The following PTPN2 variants were observed in gnomAD, a reference collection of about 807,000 sequenced individuals.
The protein encoded by PTPN2 is protein tyrosine phosphatase non-receptor type 2.
In PTPN2, 19 loss-of-function variants were observed where a neutral mutation model predicts 57.3. The ratio of observed to expected loss-of-function variants is 0.33; its 90% CI spans 0.23 to 0.49. PTPN2 has a LOEUF of 0.49. Among genes scored for constraint, PTPN2 ranks in the 20% least tolerant of loss-of-function variants. The probability of loss-of-function intolerance (pLI) is 0.99; values close to 1 mark genes in which losing one functional copy is unlikely to be tolerated. For missense variants in PTPN2, 358 were observed against 501.1 expected (o/e 0.71, Z 2.73); for synonymous variants, 153 against 164.9 (o/e 0.93, Z 0.55).
In PTPN2 at chr18:12,814,278, G is replaced by T; in HGVS notation, c.783C>A (p.Thr261=). The part of the protein sequence containing the change: ...MRKYRMGLIQ[T]PDQLRFSYMA... ...TGTATGAGAATCTCAGTTGATCTGG[G>T]GTCTGAATAAGACCCATTCGGTATT... The change falls in exon 7 of 9, where the codon ACC becomes ACA. Residue 261 remains threonine, a synonymous_variant. Transcript: ENST00000309660. 1.2e-6 allele frequency: 2 copies of T among 1,606,790 alleles called. No individual in the cohort carries two copies. The highest frequency in any genetic ancestry group is 1.7e-5 in the Admixed American group (1 of 59,512).
At chr18:12,876,180 G>A (rs2044480428) in intron 1 of PTPN2, among the ~76,000 whole-genome samples, 1 of 151,492 alleles carries the variant, frequency 6.6e-6, no homozygotes, top group South Asian at 2.1e-4. Flanking sequence ...CTGGTTAAGG[G>A]CTGGGCATGG....
chr18:12,808,921 C>T (rs1276325868), intron 7 of PTPN2, among the ~76,000 whole-genome samples: 1 of 152,234 alleles, frequency 6.6e-6, no homozygotes, highest in Non-Finnish European at 1.5e-5. Context: ...AGGTATGTAA[C>T]ACTGGAGTAG....
chr18:12,838,395 G>GAA (rs1444198220), intron 2 of PTPN2, among the ~76,000 whole-genome samples: 1 of 152,192 alleles, frequency 6.6e-6, no homozygotes, highest in African/African-American at 2.4e-5. Context: ...TAAACCTAGA[G>GAA]AAAGACCTTC....
chr18:12,835,183 A>G lies in PTPN2; in HGVS notation c.261+1608T>C, dbSNP rs552087991. Among the ~76,000 whole-genome samples, 34 of 152,322 alleles carry G rather than the reference A, an allele frequency of 2.2e-4. No homozygotes were observed. The South Asian group carries it at 5.8e-3, about 26-fold the overall frequency. On this transcript the variant is annotated intron_variant, in intron 3 of 8. Transcript: ENST00000309660. ...AATAAAATTTTTAACTCTAAATAGT[A>G]GTTTAAAATACAAATGCACATAAAA...
intron 2 of PTPN2, among the ~76,000 whole-genome samples, chr18:12,837,914 C>A (rs985988037): frequency 2.0e-5 from 3 of 152,154 alleles, no homozygotes; most frequent in Non-Finnish European, 4.4e-5. Flanking sequence ...CATTTGCCAA[C>A]AGGAAAAACT....
In PTPN2 at chr18:12,801,926, A is replaced by T. The variant is rs770426029; in HGVS notation, c.1040+44T>A. ...TGGTCCCATAAAATTTATTTTTAAA[A>T]TAAAAAAGCCTCATCTTTCAGCCTG... On this transcript the variant is annotated intron_variant, in intron 8 of 8. Transcript: ENST00000309660. 6.7e-6 allele frequency: 10 copies of T among 1,500,752 alleles called. No homozygotes were observed. In the South Asian group the frequency reaches 1.3e-4, roughly 19 times the overall value. 93.0% of individuals were successfully genotyped at this position (1,500,752 alleles called of 1,614,324 possible).
intron 5 of PTPN2, 53 bp from the exon 6 acceptor site, chr18:12,817,418 A>C: frequency 7.5e-7 from 1 of 1,337,668 alleles, no homozygotes; most frequent in Admixed American, 1.8e-5. Context: ...TCTTTTAAAA[A>C]ACTACTTCAG....
chr18:12,806,742 T>G (rs961151319), intron 7 of PTPN2, among the ~76,000 whole-genome samples: 12 of 152,020 alleles, frequency 7.9e-5, no homozygotes, highest in African/African-American at 2.9e-4. Context: ...GATATCTAGA[T>G]GCCCAAGAAT....
intron 8 of PTPN2, among the ~76,000 whole-genome samples, chr18:12,795,290 T>A (rs965041776): frequency 1.4e-4 from 22 of 151,876 alleles, no homozygotes; most frequent in African/African-American, 5.3e-4. Context: ...GAAATTTTTT[T>A]GGGGTGGTGG....
intron 1 of PTPN2, among the ~76,000 whole-genome samples, chr18:12,866,325 C>G (rs1256925282): frequency 6.6e-6 from 1 of 152,028 alleles, no homozygotes; most frequent in Non-Finnish European, 1.5e-5. Flanking sequence ...GTAGTCCCAG[C>G]TACTGGGGAG....
intron 2 of PTPN2, among the ~76,000 whole-genome samples, chr18:12,857,547 C>T (rs2043636527): frequency 6.6e-6 from 1 of 152,150 alleles, no homozygotes. Flanking sequence ...TTAAAGGCAT[C>T]AAAGCAAGGT....
At chr18:12,814,608 C>A (rs1217936066) in intron 6 of PTPN2, among the ~76,000 whole-genome samples, 1 of 152,132 alleles carries the variant, frequency 6.6e-6, no homozygotes, top group Non-Finnish European at 1.5e-5. Flanking sequence ...CCAAACCAAT[C>A]ATAGTAATCT....
At chr18:12,826,976 A>G (rs1222668857) in intron 4 of PTPN2, among the ~76,000 whole-genome samples, 1 of 152,254 alleles carries the variant, frequency 6.6e-6, no homozygotes, top group Non-Finnish European at 1.5e-5. Context: ...ATGATTACCT[A>G]TATTTTAACG....
At chr18:12,869,846 T>C (rs1235672268) in intron 1 of PTPN2, among the ~76,000 whole-genome samples, 1 of 152,172 alleles carries the variant, frequency 6.6e-6, no homozygotes, top group African/African-American at 2.4e-5. Flanking sequence ...GTGTTCCCTT[T>C]GTTAGTCAGA....
chr18:12,872,684 G>A (rs1280138987), intron 1 of PTPN2, among the ~76,000 whole-genome samples: 1 of 151,814 alleles, frequency 6.6e-6, no homozygotes, highest in Admixed American at 6.6e-5. Context: ...GCGGGGGATT[G>A]TATTTGTGCG....
Position 12,794,110 on chromosome 18 carries a change from A to G in PTPN2, c.*168T>C. 1.4e-6 allele frequency: 2 copies of G among 1,440,304 alleles called. No individual in the cohort carries two copies. The highest frequency in any genetic ancestry group is 1.4e-5 in the African/African-American group (1 of 69,894). 89.2% of individuals were successfully genotyped at this position (1,440,304 alleles called of 1,614,324 possible). A position where few individuals can be genotyped will look rare whatever the true frequency, so the allele number is the denominator to read the frequency against. On this transcript the variant is annotated 3_prime_UTR_variant, in exon 9 of 9. Transcript: ENST00000309660. The stretch of plus-strand genomic sequence containing the variant: ...TTGGGGTTCAGAGGAACCTGCAGTC[A>G]AGAGTCCTGAGATGTTGGGCTTGTG...
intron 2 of PTPN2, among the ~76,000 whole-genome samples, chr18:12,847,293 C>T (rs539742585): frequency 2.0e-4 from 31 of 152,302 alleles, no homozygotes; most frequent in Non-Finnish European, 3.7e-4. Flanking sequence ...TCAGAGGGTT[C>T]GTTTGTAGGT....
At chr18:12,870,372 T>TATGTATATATAC (rs2044181374) in intron 1 of PTPN2, among the ~76,000 whole-genome samples, 1 of 65,312 alleles carries the variant, frequency 1.5e-5, no homozygotes, top group African/African-American at 1.1e-4. Flanking sequence ...TGTGTATATA[T>TATGTATATATAC]ACATATATAT....
Position 12,793,367 on chromosome 18 carries a change from G to C in PTPN2, c.*911C>G. ...TCATAAAATGCTGCTTCTTACTTTT[G>C]CTTCCTAAATCATAATCTACCCCAA... On this transcript the variant is annotated 3_prime_UTR_variant, in exon 9 of 9. Transcript: ENST00000309660. The C allele has an allele frequency of 1.0e-6, 1 of 977,856 alleles. No individual in the cohort carries two copies. Among genetic ancestry groups the C allele is most frequent in the Non-Finnish European group, 1.2e-6 (1 of 822,626 alleles). 60.6% of individuals were successfully genotyped at this position (977,856 alleles called of 1,614,324 possible). A position where few individuals can be genotyped will look rare whatever the true frequency, so the allele number is the denominator to read the frequency against.
Sources: gnomAD v4.1 joint callset for allele counts (sites outside exome capture counted in the v4.1 genomes callset) on GRCh38, gnomAD v4.1.1 for gene constraint, MANE v1.5 for transcripts, NCBI Gene and HGNC (gene_info 2026-07-23, HGNC 2026-07-21) for gene names.